The following POU6F2 variants were observed in gnomAD, a reference collection of about 807,000 sequenced individuals.
POU6F2 encodes POU class 6 homeobox 2, also known as POU domain, class 6, transcription factor 2.
Under a neutral mutation model 71.3 loss-of-function variants are expected in POU6F2, and 31 were observed. The ratio of observed to expected loss-of-function variants is 0.43; its 90% CI spans 0.33 to 0.59. The LOEUF is 0.59. POU6F2 is among the 20% of genes least tolerant of loss of function. The pLI, the probability that POU6F2 is intolerant of heterozygous loss-of-function variation, is 0.04. For missense variants in POU6F2, 783 were observed against 856.8 expected, an observed-to-expected ratio of 0.91 and a Z score of 1.07; for synonymous variants, 347 against 355.7, an observed-to-expected ratio of 0.98 and a Z score of 0.27.
At chr7:39,131,129 T>A (rs1792268503) in intron 2 of POU6F2, among the ~76,000 whole-genome samples, 1 of 152,104 alleles carries the variant, frequency 6.6e-6, no homozygotes, top group Non-Finnish European at 1.5e-5. Context: ...AGCTGTGAAA[T>A]TTTCCCCACG....
Position 39,451,634 on chromosome 7 carries a change from G to A in POU6F2, c.1422G>A (p.Arg474=). The change falls in exon 8 of 10, where the codon CGG becomes CGA. Residue 474 remains arginine (R), a synonymous_variant. Coordinates refer to ENST00000518318, the MANE Select transcript of POU6F2 (RefSeq NM_001370959.1). ...SQASMSQSPV[R]QASSSSSSSS... is the part of the protein sequence containing the mutation. ...CATCCATGTCTCAAAGTCCCGTCCG[G>A]CAGGCTTCCTCTTCTTCCTCCTCAT... 6.2e-7 allele frequency: 1 copy of A among 1,613,018 alleles called. No homozygotes were observed. The highest frequency in any genetic ancestry group is 8.5e-7 in the Non-Finnish European group (1 of 1,179,518).
chr7:39,427,493 T>G (rs1054777649), intron 6 of POU6F2, among the ~76,000 whole-genome samples: 4 of 152,222 alleles, frequency 2.6e-5, no homozygotes, highest in African/African-American at 9.7e-5. Context: ...ACGCAAATTA[T>G]TCCTCTCTTA....
intron 4 of POU6F2, among the ~76,000 whole-genome samples, chr7:39,252,946 C>T (rs935394590): frequency 1.3e-5 from 2 of 152,160 alleles, no homozygotes; most frequent in East Asian, 3.9e-4. Context: ...ATTTTCTGTA[C>T]CACCTCCTAG....
intron 4 of POU6F2, among the ~76,000 whole-genome samples, chr7:39,299,373 A>G (rs1024298012): frequency 1.3e-5 from 2 of 152,196 alleles, no homozygotes; most frequent in South Asian, 2.1e-4. Context: ...CATCTATTTC[A>G]TAAAGATCTG....
intron 2 of POU6F2, among the ~76,000 whole-genome samples, chr7:39,165,764 G>A (rs1230685866): frequency 1.3e-5 from 2 of 152,182 alleles, no homozygotes; most frequent in African/African-American, 4.8e-5. Flanking sequence ...GGGGAAACAG[G>A]AGAGTTTTCT....
At chr7:39,379,530 G>C (rs1337409743) in intron 5 of POU6F2, among the ~76,000 whole-genome samples, 1 of 152,026 alleles carries the variant, frequency 6.6e-6, no homozygotes, top group African/African-American at 2.4e-5. Context: ...AATGTTAAGG[G>C]ACAGGCACAA....
At chr7:39,337,667 G>A (rs770094212) in intron 4 of POU6F2, among the ~76,000 whole-genome samples, 42 of 152,188 alleles carry the variant, frequency 2.8e-4, no homozygotes, top group Non-Finnish European at 5.3e-4. Context: ...TCATGTTAGT[G>A]TGTAGGTGGC....
intron 5 of POU6F2, among the ~76,000 whole-genome samples, chr7:39,356,261 A>G (rs1039466466): frequency 6.6e-6 from 1 of 151,134 alleles, no homozygotes; most frequent in African/African-American, 2.4e-5. Context: ...CCATCCTCCA[A>G]CTCCCTCTGC....
chr7:39,131,678 A>C (rs190924215), intron 2 of POU6F2, among the ~76,000 whole-genome samples: 41 of 152,286 alleles, frequency 2.7e-4, no homozygotes, highest in South Asian at 2.5e-3. Flanking sequence ...GCCATAGCCC[A>C]TGTTGAGAAA....
intron 5 of POU6F2, among the ~76,000 whole-genome samples, chr7:39,377,159 C>G (rs935143450): frequency 2.0e-5 from 3 of 150,592 alleles, no homozygotes; most frequent in Admixed American, 6.6e-5. Flanking sequence ...GAGATGGAGT[C>G]TCATTCTGTC....
At chr7:39,063,204 TC>T (rs1790692824) in intron 1 of POU6F2, among the ~76,000 whole-genome samples, 1 of 152,028 alleles carries the variant, frequency 6.6e-6, no homozygotes, top group African/African-American at 2.4e-5. Context: ...TTCTTTGGCA[TC>T]CTTAAATGTG....
rs1789031470 is a variant in POU6F2, at chr7:39,464,792, C to T, written c.*106C>T. The T allele has an allele frequency of 7.7e-7, 1 of 1,298,364 alleles. No homozygotes were observed. Among genetic ancestry groups the T allele is most frequent in the East Asian group, 2.5e-5 (1 of 39,472 alleles). The allele number at this position is 1,298,364 out of a possible 1,614,324, so 80.4% of individuals were successfully genotyped here. Reference sequence around the variant, plus strand: ...AAAATTTAATTTAATTTAAAAATAGCCCCAGTCGTCATCACCCTTGTAAGT... The same window carrying T: ...AAAATTTAATTTAATTTAAAAATAGTCCCAGTCGTCATCACCCTTGTAAGT... On this transcript the variant is annotated 3_prime_UTR_variant, in exon 10 of 10. Transcript: ENST00000518318. This position sits in a 1 kb window ranked among gnomAD's most constrained non-coding sequence, Gnocchi z 4.1.
rs563248375 is a variant in POU6F2 at position 39,225,980 on chromosome 7, T to A, written c.598+18360T>A. Among the ~76,000 whole-genome samples, 85 of 151,786 alleles carry A rather than the reference T, an allele frequency of 5.6e-4. 1 individual carries two copies. The highest frequency in any genetic ancestry group is 3.4e-3 in the Middle Eastern group (1 of 294). ...TTAAAAAAAAAAGGTTGTTTTTTTTTAAAAAAAACCAACATTTTTCTAATG... is the reference window on the plus strand; with the variant it reads ...TTAAAAAAAAAAGGTTGTTTTTTTTAAAAAAAAACCAACATTTTTCTAATG... On this transcript the variant is annotated intron_variant, in intron 4 of 9. Coordinates refer to ENST00000518318, the MANE Select transcript of POU6F2 (RefSeq NM_001370959.1).
chr7:39,229,131 T>G (rs1394765044), intron 4 of POU6F2, among the ~76,000 whole-genome samples: 1 of 152,238 alleles, frequency 6.6e-6, no homozygotes, highest in Non-Finnish European at 1.5e-5. Flanking sequence ...GCATGCTGTT[T>G]CCAGTGGATT....
At chr7:39,228,514 C>T (rs1192619586) in intron 4 of POU6F2, among the ~76,000 whole-genome samples, 2 of 152,266 alleles carry the variant, frequency 1.3e-5, no homozygotes, top group East Asian at 1.9e-4. Context: ...GCTGCATATT[C>T]GGTTCATAAC....
chr7:39,038,360 A>T lies in POU6F2; in HGVS notation c.106-47500A>T, dbSNP rs954950989. ...CTGACTATTTCTAAGGAATTTAAAC[A>T]CTCCTATGAACATTTAAGGCCTCTA... On this transcript the variant is annotated intron_variant, in intron 1 of 9. Coordinates refer to ENST00000518318, the MANE Select transcript of POU6F2 (RefSeq NM_001370959.1). Among the ~76,000 whole-genome samples, 6 of 151,912 alleles carry T rather than the reference A, an allele frequency of 3.9e-5. No homozygotes were observed. In the East Asian group the frequency reaches 1.2e-3, roughly 29 times the overall value.
chr7:39,335,106 A>C (rs1194752307), intron 4 of POU6F2, among the ~76,000 whole-genome samples: 1 of 152,218 alleles, frequency 6.6e-6, no homozygotes, highest in East Asian at 1.9e-4. Context: ...CTAAGCATGG[A>C]GGAGGCATTT....
intron 5 of POU6F2, 61 bp downstream of exon 5, chr7:39,340,076 T>G (rs889423271): frequency 6.6e-5 from 100 of 1,508,658 alleles, no homozygotes; most frequent in Non-Finnish European, 8.2e-5. Context: ...CATGGGGTGG[T>G]GCCATCCCCA....
intron 1 of POU6F2, among the ~76,000 whole-genome samples, chr7:39,049,854 A>G (rs1790369469): frequency 6.6e-6 from 1 of 151,992 alleles, no homozygotes; most frequent in Non-Finnish European, 1.5e-5. Flanking sequence ...TTGAACATAT[A>G]TATAAAACTG....
Sources: gnomAD v4.1 joint callset for allele counts (sites outside exome capture counted in the v4.1 genomes callset) on GRCh38, gnomAD v4.1.1 for gene constraint, Gnocchi (gnomAD v3.1) non-coding constraint, MANE v1.5 for transcripts, NCBI Gene and HGNC (gene_info 2026-07-23, HGNC 2026-07-21) for gene names.